The following CSMD1 variants were observed in gnomAD, a reference collection of about 807,000 sequenced individuals.
CSMD1 encodes CUB and sushi domain-containing protein 1.
A neutral mutation model predicts 417.5 loss-of-function variants in CSMD1; 213 were observed. That is an observed-to-expected ratio of 0.51 (90% CI 0.46 to 0.57). CSMD1 has a LOEUF of 0.57. CSMD1 is among the 20% of genes least tolerant of loss of function. The pLI is 0.00. For missense variants in CSMD1, 6,923 were observed against 4,529.7 expected (o/e 1.53, Z -15.17); for synonymous variants, 2,862 against 1,736.8 (o/e 1.65, Z -16.11).
At chr8:3,771,129 A>AC (rs1798548530) in intron 5 of CSMD1, among the ~76,000 whole-genome samples, 1 of 152,108 alleles carries the variant, frequency 6.6e-6, no homozygotes, top group African/African-American at 2.4e-5. Flanking sequence ...CAAATTGTGA[A>AC]CAAAAAATAA....
At chr8:4,411,209 C>A (rs942932329) in intron 3 of CSMD1, among the ~76,000 whole-genome samples, 1 of 152,068 alleles carries the variant, frequency 6.6e-6, no homozygotes, top group African/African-American at 2.4e-5. Flanking sequence ...CTAGGAAACC[C>A]ATCAAGTACA....
At chr8:4,805,313 T>C (rs2117304500) in intron 1 of CSMD1, among the ~76,000 whole-genome samples, 1 of 152,372 alleles carries the variant, frequency 6.6e-6, no homozygotes, top group African/African-American at 2.4e-5. Flanking sequence ...CTTCATGTTA[T>C]AGAACACTTC....
chr8:3,393,609 A>G (rs1431083042), intron 17 of CSMD1, among the ~76,000 whole-genome samples: 4 of 152,162 alleles, frequency 2.6e-5, no homozygotes, highest in South Asian at 2.1e-4. Context: ...AAAATGATAG[A>G]CTGGATTGAG....
At chr8:4,735,890 C>A (rs1271469939) in intron 1 of CSMD1, among the ~76,000 whole-genome samples, 1 of 152,136 alleles carries the variant, frequency 6.6e-6, no homozygotes, top group Non-Finnish European at 1.5e-5. Flanking sequence ...CACGCTACTG[C>A]TTTACTAGAG....
chr8:3,416,525 G>T (rs1320195772), intron 12 of CSMD1, among the ~76,000 whole-genome samples: 7 of 152,088 alleles, frequency 4.6e-5, no homozygotes, highest in Admixed American at 3.3e-4. Flanking sequence ...AGCTAAGAAG[G>T]CAGAAAGGAA....
At chr8:4,084,201 T>C (rs1800298656) in intron 3 of CSMD1, among the ~76,000 whole-genome samples, 1 of 152,236 alleles carries the variant, frequency 6.6e-6, no homozygotes, top group African/African-American at 2.4e-5. Flanking sequence ...TTTTTCCTGA[T>C]TTTTCAGTTA....
intron 6 of CSMD1, among the ~76,000 whole-genome samples, chr8:3,737,350 C>G (rs1462465737): frequency 6.6e-6 from 1 of 152,126 alleles, no homozygotes; most frequent in Non-Finnish European, 1.5e-5. Flanking sequence ...CCTAATGTGA[C>G]CCCCCTTTCT....
At chr8:4,455,638 A>G (rs191946338) in intron 2 of CSMD1, among the ~76,000 whole-genome samples, 3 of 152,062 alleles carry the variant, frequency 2.0e-5, no homozygotes. Flanking sequence ...AAAAACATAA[A>G]ACGCAATTGA....
chr8:4,027,127 C>G (rs1017983381), intron 4 of CSMD1, among the ~76,000 whole-genome samples: 4 of 152,158 alleles, frequency 2.6e-5, no homozygotes, highest in South Asian at 2.1e-4. Flanking sequence ...AAGCTTTACA[C>G]TCATGTTGGG....
intron 3 of CSMD1, among the ~76,000 whole-genome samples, chr8:4,191,489 C>T (rs17069297): frequency 0.14 from 21,267 of 152,142 alleles, 1,587 homozygotes; most frequent in East Asian, 0.26. Flanking sequence ...ATTGTTCTTA[C>T]TTGTCTGCAA....
At chr8:3,440,765 C>A (rs965400883) in intron 12 of CSMD1, among the ~76,000 whole-genome samples, 3 of 152,220 alleles carry the variant, frequency 2.0e-5, no homozygotes, top group Non-Finnish European at 2.9e-5. Flanking sequence ...AAGGTTAATT[C>A]TAAGTGTTTT....
intron 52 of CSMD1, among the ~76,000 whole-genome samples, chr8:3,012,223 G>C (rs1309646170): frequency 2.0e-5 from 3 of 152,174 alleles, no homozygotes; most frequent in African/African-American, 7.2e-5. Flanking sequence ...TTTCTCACAA[G>C]GTTCTTCTTA....
chr8:4,054,281 AG>A (rs1180511747), intron 3 of CSMD1, among the ~76,000 whole-genome samples: 1 of 38,732 alleles, frequency 2.6e-5, no homozygotes, highest in Non-Finnish European at 5.5e-5. Flanking sequence ...GGGGAAGTGA[AG>A]ATGTGGCTTC....
intron 1 of CSMD1, among the ~76,000 whole-genome samples, chr8:4,956,113 G>C (rs1202131931): frequency 6.6e-6 from 1 of 152,098 alleles, no homozygotes. Context: ...CCTAAGAACT[G>C]CTAATTACTT....
intron 2 of CSMD1, among the ~76,000 whole-genome samples, chr8:4,441,597 T>C (rs1275020215): frequency 1.3e-5 from 2 of 152,174 alleles, no homozygotes; most frequent in African/African-American, 4.8e-5. Flanking sequence ...GTTCAATACA[T>C]TTGATAATGC....
At chr8:3,438,397 G>C (rs1356303584) in intron 12 of CSMD1, among the ~76,000 whole-genome samples, 1 of 152,082 alleles carries the variant, frequency 6.6e-6, no homozygotes, top group Non-Finnish European at 1.5e-5. Flanking sequence ...CCCTCCCGTT[G>C]ACCCTTGATA....
chr8:3,294,499 A>C (rs547200136), intron 25 of CSMD1, among the ~76,000 whole-genome samples: 1 of 152,182 alleles, frequency 6.6e-6, no homozygotes, highest in East Asian at 1.9e-4. Flanking sequence ...CCGTTTTTTT[A>C]GTCATTCAAG....
intron 39 of CSMD1, among the ~76,000 whole-genome samples, chr8:3,157,438 G>A (rs1312438772): frequency 1.3e-5 from 2 of 152,170 alleles, no homozygotes; most frequent in Non-Finnish European, 1.5e-5. Flanking sequence ...GCATCCACAA[G>A]ATAGTCACCA....
At chr8:4,340,431 T>A (rs1368544411) in intron 3 of CSMD1, among the ~76,000 whole-genome samples, 1 of 152,082 alleles carries the variant, frequency 6.6e-6, no homozygotes, top group African/African-American at 2.4e-5. Flanking sequence ...ACTCCTCAAT[T>A]AAGCTGCGCA....
Sources: allele counts gnomAD v4.1 joint callset (sites outside exome capture counted in the v4.1 genomes callset), GRCh38; gene constraint gnomAD v4.1.1; transcripts MANE v1.5; gene names NCBI Gene and HGNC (gene_info 2026-07-23, HGNC 2026-07-21).